HS3ST5: variants seen among roughly 807,000 people sequenced by gnomAD.
The protein encoded by HS3ST5 is heparan sulfate-glucosamine 3-sulfotransferase 5, also known as heparan sulfate glucosamine 3-O-sulfotransferase 5.
In HS3ST5, 10 loss-of-function variants were observed where a neutral mutation model predicts 25.4. The observed-to-expected ratio is 0.39, with a 90% CI of 0.24 to 0.67. HS3ST5 has a LOEUF of 0.67. HS3ST5 is among the 30% of genes least tolerant of loss of function. The pLI is 0.44. For synonymous variants in HS3ST5, 170 were observed against 162.4 expected (o/e 1.05, Z -0.36); for missense variants, 324 against 420.7 (o/e 0.77, Z 2.01).
At position 114,206,480 on chromosome 6, in the gene HS3ST5, A is replaced by C. The variant is rs1404041325; in HGVS notation, c.-145+22105T>G. On this transcript the variant is annotated intron_variant, in intron 2 of 4. Coordinates refer to ENST00000312719, the MANE Select transcript of HS3ST5 (RefSeq NM_153612.4). ...CATAAATTATAATCATTCACATGAAAAAATTCTTATTAACTCAGTTTTGGG... is the reference window on the plus strand; with the variant it reads ...CATAAATTATAATCATTCACATGAACAAATTCTTATTAACTCAGTTTTGGG... Among the ~76,000 whole-genome samples the C allele has an allele frequency of 2.0e-5, 3 of 152,198 alleles. No homozygotes were observed. In the South Asian group the frequency reaches 6.2e-4, roughly 31 times the overall value.
At chr6:114,341,393 T>G (rs1171477295) in intron 1 of HS3ST5, among the ~76,000 whole-genome samples, 1 of 151,420 alleles carries the variant, frequency 6.6e-6, no homozygotes, top group African/African-American at 2.4e-5. Flanking sequence ...GACTCCGGAG[T>G]TGTTTGTTTG....
chr6:114,084,310 G>C (rs1774645134), intron 3 of HS3ST5: 1 of 768,510 alleles, frequency 1.3e-6, no homozygotes, highest in East Asian at 2.4e-5. Context: ...CACACCTTCA[G>C]ACCAGTCTGC....
intron 3 of HS3ST5, among the ~76,000 whole-genome samples, chr6:114,100,516 T>C (rs1214018819): frequency 6.6e-6 from 1 of 152,188 alleles, no homozygotes; most frequent in South Asian, 2.1e-4. Context: ...CACAAATCAA[T>C]AGGCAGCTTT....
At chr6:114,321,458 T>C (rs1775966770) in intron 1 of HS3ST5, among the ~76,000 whole-genome samples, 1 of 152,144 alleles carries the variant, frequency 6.6e-6, no homozygotes, top group African/African-American at 2.4e-5. Context: ...CTGCTTGGGC[T>C]TAGCACTTTC....
intron 3 of HS3ST5, among the ~76,000 whole-genome samples, chr6:114,147,248 T>G (rs531178477): frequency 1.3e-5 from 2 of 152,280 alleles, no homozygotes; most frequent in East Asian, 3.9e-4. Context: ...ATTTGGCTAT[T>G]TGGGGTACGA....
At chr6:114,186,811 G>T (rs143425045) in intron 2 of HS3ST5, among the ~76,000 whole-genome samples, 2 of 152,174 alleles carry the variant, frequency 1.3e-5, no homozygotes, top group African/African-American at 2.4e-5. Flanking sequence ...ACTGCCTCTC[G>T]TATTAGGGGC....
At position 114,185,467 on chromosome 6, in the gene HS3ST5, G is replaced by A. The variant is rs551645615; in HGVS notation, c.-144-17005C>T. Among the ~76,000 whole-genome samples the A allele has an allele frequency of 3.3e-4, 51 of 152,266 alleles. 1 individual carries two copies. The highest frequency in any genetic ancestry group is 6.3e-4 in the Non-Finnish European group (43 of 68,030). ...TTGGACTTTCAGCTTCCAGAAATGT[G>A]AGAAATAAATGTTTGTTGTCTAAGC... On this transcript the variant is annotated intron_variant, in intron 2 of 4. Transcript: ENST00000312719.
intron 1 of HS3ST5, among the ~76,000 whole-genome samples, chr6:114,278,536 T>G (rs566913688): frequency 0.011 from 1,669 of 151,960 alleles, 41 homozygotes; most frequent in Non-Finnish European, 0.012. Flanking sequence ...TACTGATACT[T>G]CAGTATTCTT....
At chr6:114,217,639 C>T (rs1331744348) in intron 2 of HS3ST5, among the ~76,000 whole-genome samples, 1 of 152,176 alleles carries the variant, frequency 6.6e-6, no homozygotes, top group African/African-American at 2.4e-5. Context: ...AAGTACATCT[C>T]TTTTAATTCC....
At chr6:114,134,575 T>C (rs1777500638) in intron 3 of HS3ST5, among the ~76,000 whole-genome samples, 1 of 152,200 alleles carries the variant, frequency 6.6e-6, no homozygotes, top group Non-Finnish European at 1.5e-5. Context: ...GTTCTCAGCC[T>C]AAGCCGCACG....
chr6:114,195,979 C>G (rs931154084), intron 2 of HS3ST5, among the ~76,000 whole-genome samples: 1 of 152,148 alleles, frequency 6.6e-6, no homozygotes, highest in African/African-American at 2.4e-5. Flanking sequence ...ACTAGGAGAA[C>G]AGGAGTGGAG....
chr6:114,264,474 T>A (rs1196369691), intron 1 of HS3ST5, among the ~76,000 whole-genome samples: 1 of 152,210 alleles, frequency 6.6e-6, no homozygotes, highest in Non-Finnish European at 1.5e-5. Flanking sequence ...ATGTATTATA[T>A]TTCATCTTCA....
chr6:114,162,134 A>T (rs1779004431), intron 3 of HS3ST5, among the ~76,000 whole-genome samples: 1 of 152,106 alleles, frequency 6.6e-6, no homozygotes, highest in Non-Finnish European at 1.5e-5. Flanking sequence ...TTATAATAGA[A>T]TTTATTATCT....
intron 3 of HS3ST5, among the ~76,000 whole-genome samples, chr6:114,083,004 C>G (rs1333433141): frequency 6.6e-6 from 1 of 152,206 alleles, no homozygotes. Context: ...AGGGCACACC[C>G]TTCTATAGAA....
intron 3 of HS3ST5, among the ~76,000 whole-genome samples, chr6:114,160,855 T>C (rs1195345141): frequency 6.6e-6 from 1 of 152,194 alleles, no homozygotes; most frequent in Non-Finnish European, 1.5e-5. Flanking sequence ...TTCAATCTTC[T>C]AAAAAGCTGA....
chr6:114,204,399 G>A (rs1781174429), intron 2 of HS3ST5, among the ~76,000 whole-genome samples: 2 of 152,054 alleles, frequency 1.3e-5, no homozygotes, highest in African/African-American at 4.8e-5. Context: ...TTGAATGTAG[G>A]ACTGGTGATT....
intron 1 of HS3ST5, among the ~76,000 whole-genome samples, chr6:114,231,701 A>G (rs1362983381): frequency 6.6e-6 from 1 of 151,692 alleles, no homozygotes; most frequent in East Asian, 1.9e-4. Flanking sequence ...AGGAATGAGC[A>G]CATAACCTTA....
chr6:114,206,543 T>A (rs1781283721), intron 2 of HS3ST5, among the ~76,000 whole-genome samples: 1 of 152,186 alleles, frequency 6.6e-6, no homozygotes, highest in Non-Finnish European at 1.5e-5. Context: ...ATTGGCCACT[T>A]ACTTGCTACA....
intron 1 of HS3ST5, among the ~76,000 whole-genome samples, chr6:114,302,184 C>G (rs572018538): frequency 1.3e-5 from 2 of 152,060 alleles, no homozygotes; most frequent in Non-Finnish European, 2.9e-5. Context: ...ACCCTAGACA[C>G]CCTTAATATA....
Sources: gnomAD v4.1 joint callset for allele counts (sites outside exome capture counted in the v4.1 genomes callset) on GRCh38, gnomAD v4.1.1 for gene constraint, MANE v1.5 for transcripts, NCBI Gene and HGNC (gene_info 2026-07-23, HGNC 2026-07-21) for gene names.